The following STAG3 variants were observed in gnomAD, a reference collection of about 807,000 sequenced individuals.
STAG3 encodes the protein STAG3 cohesin complex component, also known as cohesin subunit SA-3.
Under a neutral mutation model 160.7 loss-of-function variants are expected in STAG3, and 101 were observed. That is an observed-to-expected ratio of 0.63 (90% confidence interval 0.54 to 0.74). The LOEUF (loss-of-function observed/expected upper bound fraction) is 0.74, where lower values mean the gene tolerates loss of function less well. Among genes scored for constraint, STAG3 ranks in the 30% least tolerant of loss-of-function variants. The pLI is 0.00. For synonymous variants in STAG3, 519 were observed against 585.0 expected (o/e 0.89, Z 1.63); for missense variants, 1,188 against 1,517.4 (o/e 0.78, Z 3.61).
chr7:100,208,664 A>G (rs569529558), intron 29 of STAG3, among the ~76,000 whole-genome samples: 5 of 152,218 alleles, frequency 3.3e-5, no homozygotes, highest in Non-Finnish European at 7.3e-5. Flanking sequence ...GGGTTTGTGA[A>G]GGCAAGATAA....
chr7:100,217,845 G>A, downstream of STAG3, among the ~76,000 whole-genome samples: 1 of 152,066 alleles, frequency 6.6e-6, no homozygotes, highest in Non-Finnish European at 1.5e-5. Flanking sequence ...CATCTAGAAG[G>A]TGGAGCCAGG....
chr7:100,180,270 GGC>G, intron 1 of STAG3, among the ~76,000 whole-genome samples: 1 of 151,806 alleles, frequency 6.6e-6, no homozygotes, highest in Middle Eastern at 3.4e-3. Flanking sequence ...GTATTGCCCA[GGC>G]TGGTCTTGAA....
In STAG3 at chr7:100,199,285, A is replaced by G; in HGVS notation, c.1491A>G (p.Leu497=). The G allele has an allele frequency of 6.2e-7, 1 of 1,613,838 alleles. No individual in the cohort carries two copies. The highest frequency in any genetic ancestry group is 8.5e-7 in the Non-Finnish European group (1 of 1,179,702). The change falls in exon 15 of 34, where the codon TTA becomes TTG. Residue 497 remains leucine, a synonymous_variant. Transcript: ENST00000615138. Reference sequence around the variant, plus strand: ...AGCTCCATGACCACGCTGCTTACTTAGTAGACAGTCTGTGGGACTGTGCAG... The same window carrying G: ...AGCTCCATGACCACGCTGCTTACTTGGTAGACAGTCTGTGGGACTGTGCAG... The part of the protein sequence containing the change: ...ESELHDHAAY[L]VDSLWDCAGA...
In STAG3 at chr7:100,197,781, C is replaced by T. The variant is rs774733445; in HGVS notation, c.1069C>T (p.Arg357Ter). The T allele has an allele frequency of 3.7e-6, 6 of 1,613,368 alleles. No individual in the cohort carries two copies. The highest frequency in any genetic ancestry group is 2.2e-5 in the South Asian group (2 of 91,038). Residue 357 changes from arginine (R) to a stop codon, truncating the protein, a stop_gained, in exon 11 of 34, where the codon CGA becomes TGA. Coordinates refer to ENST00000615138, the MANE Select transcript of STAG3 (RefSeq NM_001282717.2). LOFTEE classifies it high-confidence loss of function. ...CCTGGTTTTCCCTCCTCACCAGCAC[C>T]GAGAAGTCCGCCTGAAGTGTGTGAA... ...YIGWTLHDKH[R>*]EVRLKCVKAL...
At chr7:100,213,861 C>G (rs1802522298) in intron 33 of STAG3, 55 bp downstream of exon 33, 1 of 1,613,718 alleles carries the variant, frequency 6.2e-7, no homozygotes, top group Admixed American at 1.7e-5. Context: ...GGCAGGCAAC[C>G]CGTGCACTCA....
intron 30 of STAG3, 54 bp from the exon 31 acceptor site, chr7:100,211,381 A>G: frequency 6.3e-7 from 1 of 1,585,342 alleles, no homozygotes; most frequent in South Asian, 1.1e-5. Context: ...GCTGCCTTAC[A>G]TCCTCTTCTT....
In STAG3 at chr7:100,198,560, G is replaced by A. The variant is rs149765159; in HGVS notation, c.1330G>A (p.Ala444Thr). 13 of 1,613,810 alleles carry A rather than the reference G, an allele frequency of 8.1e-6. No individual in the cohort carries two copies. Among genetic ancestry groups the A allele is most frequent in the African/African-American group, 6.7e-5 (5 of 74,920 alleles). The change falls in exon 13 of 34, where the codon GCA becomes ACA. Residue 444 changes from alanine to threonine, a missense_variant. Physicochemically the swap from Ala to Thr is moderately conservative, Grantham distance 58. Transcript: ENST00000615138. The part of the protein sequence containing the change: ...YASHRGLASA[A>T]GEFLYWKLFY... ...CTCTCATCGAGGCCTGGCCTCTGCC[G>A]CAGGCGAATTTCTGTACTGGAAGTG... is the stretch of plus-strand genomic sequence containing the variant.
intron 8 of STAG3, among the ~76,000 whole-genome samples, chr7:100,191,627 C>T (rs977380008): frequency 6.6e-6 from 1 of 152,116 alleles, no homozygotes; most frequent in African/African-American, 2.4e-5. Flanking sequence ...GAACCTTTAG[C>T]GAGTTAAATC....
At chr7:100,188,764 A>G (rs1800178768) in intron 6 of STAG3, 48 bp from the exon 7 acceptor site, 1 of 1,594,068 alleles carries the variant, frequency 6.3e-7, no homozygotes, top group African/African-American at 1.3e-5. Flanking sequence ...CTATGACTTC[A>G]TGGACCTGGT....
chr7:100,217,009 A>T (rs1802812876), downstream of STAG3, among the ~76,000 whole-genome samples: 1 of 152,118 alleles, frequency 6.6e-6, no homozygotes, highest in Non-Finnish European at 1.5e-5. Context: ...TGGGAGCACA[A>T]AACCTGAAGT....
intron 7 of STAG3, 52 bp downstream of exon 7, chr7:100,189,068 C>T: frequency 4.4e-6 from 7 of 1,589,208 alleles, no homozygotes; most frequent in East Asian, 2.2e-5. Context: ...ATAGGACTTT[C>T]CTCTGTTCTC....
At chr7:100,215,585 G>A (rs1159761823), downstream of STAG3, among the ~76,000 whole-genome samples, 1 of 152,170 alleles carries the variant, frequency 6.6e-6, no homozygotes, top group Non-Finnish European at 1.5e-5. Flanking sequence ...GGAGGGGAAA[G>A]ATTCCTGAAT....
chr7:100,204,920 G>A (rs1044303696), intron 27 of STAG3, 85 bp from the exon 28 acceptor site: 12 of 1,575,204 alleles, frequency 7.6e-6, no homozygotes, highest in Admixed American at 7.0e-5. Flanking sequence ...GGGGACGGGG[G>A]GAGGGTGCAT....
At chr7:100,180,424 A>C (rs1413536097) in intron 1 of STAG3, 69 bp from the exon 2 acceptor site, 4 of 664,080 alleles carry the variant, frequency 6.0e-6, no homozygotes, top group Non-Finnish European at 1.1e-5. Flanking sequence ...CTTGGAAAGA[A>C]AGGGACTGGT....
intron 4 of STAG3, among the ~76,000 whole-genome samples, chr7:100,184,265 C>CAA (rs1045041428): frequency 8.5e-6 from 1 of 117,306 alleles, no homozygotes; most frequent in Non-Finnish European, 1.8e-5. Context: ...GACTCTGTCT[C>CAA]AAAAAAAAAA....
chr7:100,207,828 T>C lies in STAG3; in HGVS notation c.3238+2444T>C, dbSNP rs954399313. ...CTCCTGTGTTTTCTTCTAAGAGTTA[T>C]AGTTTTAGCCGGGCATGGTGGCTCA... is the stretch of plus-strand genomic sequence containing the variant. On this transcript the variant is annotated intron_variant, in intron 29 of 33. Coordinates refer to ENST00000615138, the MANE Select transcript of STAG3 (RefSeq NM_001282717.2). The surrounding 1 kb of genome is among the most constrained non-coding windows in gnomAD (Gnocchi z 4.0). 2.0e-5 allele frequency among the ~76,000 whole-genome samples: 3 copies of C among 152,188 alleles called. No individual in the cohort carries two copies. The highest frequency in any genetic ancestry group is 6.6e-5 in the Admixed American group (1 of 15,264).
At chr7:100,200,423 G>T in intron 17 of STAG3, 30 bp from the exon 18 acceptor site, 1 of 1,613,650 alleles carries the variant, frequency 6.2e-7, no homozygotes, top group South Asian at 1.1e-5. Context: ...GTGTCAGCTT[G>T]TAAGGAGGCC....
At chr7:100,197,373 T>C (rs1800757344) in intron 10 of STAG3, 94 bp downstream of exon 10, 2 of 1,542,526 alleles carry the variant, frequency 1.3e-6, no homozygotes, top group East Asian at 4.7e-5. Context: ...TGAGATATTT[T>C]ACCTAGTGAC....
At position 100,211,538 on chromosome 7, in the gene STAG3, C is replaced by A. The variant is rs767323706; in HGVS notation, c.3517C>A (p.Arg1173=). 2 of 1,613,554 alleles carry A rather than the reference C, an allele frequency of 1.2e-6. No individual in the cohort carries two copies. Among genetic ancestry groups the A allele is most frequent in the Non-Finnish European group, 1.7e-6 (2 of 1,179,812 alleles). Residue 1173 remains arginine, a splice_region_variant and synonymous_variant, in exon 31 of 34, where the codon CGA becomes AGA. Transcript: ENST00000615138. ...TCCTGGCCTGGGCAACCAGCTGATG[C>A]GGTGAGCTTTTCTCATCATCTCCTG... ...SGPGLGNQLM[R]LSLMEEDEEE...
Sources: allele counts gnomAD v4.1 joint callset (sites outside exome capture counted in the v4.1 genomes callset), GRCh38; gene constraint gnomAD v4.1.1; non-coding constraint Gnocchi (gnomAD v3.1); transcripts MANE v1.5; gene names NCBI Gene and HGNC (gene_info 2026-07-23, HGNC 2026-07-21).